SUFU: variants seen among roughly 807,000 people sequenced by gnomAD.
The protein encoded by SUFU is SUFU negative regulator of hedgehog signaling.
A neutral mutation model predicts 58.9 loss-of-function variants in SUFU; 7 were observed. The ratio of observed to expected loss-of-function variants is 0.12; its 90% CI spans 0.07 to 0.22. The LOEUF is 0.22. Ranked by LOEUF, SUFU falls within the 10% of genes least tolerant of loss-of-function variation. SUFU has a pLI of 1.00. For synonymous variants in SUFU, 232 were observed against 254.8 expected, an observed-to-expected ratio of 0.91 and a Z score of 0.85; for missense variants, 451 against 641.3, an observed-to-expected ratio of 0.70 and a Z score of 3.20.
chr10:102,626,567 C>G (rs2063787792), intron 10 of SUFU, among the ~76,000 whole-genome samples: 1 of 152,084 alleles, frequency 6.6e-6, no homozygotes, highest in Non-Finnish European at 1.5e-5. Flanking sequence ...AGCTTCCAGC[C>G]TGGGAGGATG....
At chr10:102,558,756 C>T (rs1007483961) in intron 3 of SUFU, among the ~76,000 whole-genome samples, 2 of 152,216 alleles carry the variant, frequency 1.3e-5, no homozygotes, top group Non-Finnish European at 2.9e-5. Context: ...GTTGCTGCCA[C>T]GGGACTGGAG....
At chr10:102,577,310 T>C (rs1272645639) in intron 3 of SUFU, among the ~76,000 whole-genome samples, 1 of 151,976 alleles carries the variant, frequency 6.6e-6, no homozygotes, top group African/African-American at 2.4e-5. Flanking sequence ...TCTTGGATTT[T>C]AAAGCTTCAA....
chr10:102,610,796 C>G (rs1279637671), intron 8 of SUFU, among the ~76,000 whole-genome samples: 4 of 152,234 alleles, frequency 2.6e-5, no homozygotes, highest in African/African-American at 9.6e-5. Flanking sequence ...TGCCGGAACA[C>G]TAGCCAGATA....
chr10:102,598,352 G>T (rs887794743), intron 7 of SUFU, among the ~76,000 whole-genome samples: 1 of 151,992 alleles, frequency 6.6e-6, no homozygotes, highest in Admixed American at 6.6e-5. Flanking sequence ...TCAGGGCTTC[G>T]CTGTGTTGCC....
rs572026954 is a variant in SUFU at position 102,619,082 on chromosome 10, G to T, written c.1296+1654G>T. On this transcript the variant is annotated intron_variant, in intron 10 of 11. Coordinates refer to ENST00000369902, the MANE Select transcript of SUFU (RefSeq NM_016169.4). The surrounding 1 kb of genome is among the most constrained non-coding windows in gnomAD (Gnocchi z 4.2). ...CATCCTCAGCTCTGAACCTATCCTC[G>T]GAGCTCTGCCCTCCCGTCCTGGAAC... is the stretch of plus-strand genomic sequence containing the variant. The T allele has an allele frequency of 1.2e-6, 2 of 1,612,648 alleles. No homozygotes were observed. The highest frequency in any genetic ancestry group is 1.7e-6 in the Non-Finnish European group (2 of 1,179,844).
chr10:102,560,893 A>C (rs1451203267), intron 3 of SUFU, among the ~76,000 whole-genome samples: 2 of 151,948 alleles, frequency 1.3e-5, no homozygotes, highest in African/African-American at 4.8e-5. Context: ...GCTGGAGTGC[A>C]ATGGCGCGAT....
At chr10:102,561,720 G>A (rs2063039332) in intron 3 of SUFU, among the ~76,000 whole-genome samples, 1 of 146,630 alleles carries the variant, frequency 6.8e-6, no homozygotes, top group South Asian at 2.2e-4. Context: ...TCAGACCGGA[G>A]TCCAGTGGTA....
chr10:102,562,709 G>T (rs1036459340), intron 3 of SUFU, among the ~76,000 whole-genome samples: 1 of 152,110 alleles, frequency 6.6e-6, no homozygotes, highest in African/African-American at 2.4e-5. Flanking sequence ...TGGACAACAT[G>T]GTGAAACCTC....
intron 3 of SUFU, among the ~76,000 whole-genome samples, chr10:102,553,319 G>A (rs2062939780): frequency 6.6e-6 from 1 of 152,180 alleles, no homozygotes; most frequent in Non-Finnish European, 1.5e-5. Flanking sequence ...TGATGGGAAT[G>A]ACTAACATTT....
chr10:102,568,336 G>T (rs908002880), intron 3 of SUFU, among the ~76,000 whole-genome samples: 37 of 151,966 alleles, frequency 2.4e-4, no homozygotes, highest in African/African-American at 8.2e-4. Flanking sequence ...AGATTTTCAT[G>T]TTTTACTTTA....
chr10:102,611,614 T>TA (rs2063623877), intron 8 of SUFU, among the ~76,000 whole-genome samples: 1 of 152,248 alleles, frequency 6.6e-6, no homozygotes, highest in African/African-American at 2.4e-5. Context: ...GAGGAGCAGA[T>TA]AGACTTTTAG....
At chr10:102,545,886 A>G (rs1324115749) in intron 2 of SUFU, among the ~76,000 whole-genome samples, 1 of 152,178 alleles carries the variant, frequency 6.6e-6, no homozygotes, top group Non-Finnish European at 1.5e-5. Flanking sequence ...AGGCAGGAGA[A>G]TCACTTGAGC....
intron 6 of SUFU, 127 bp downstream of exon 6, chr10:102,594,192 G>A (rs2063436701): frequency 4.2e-6 from 4 of 949,848 alleles, no homozygotes; most frequent in African/African-American, 1.6e-5. Flanking sequence ...GGCATCACTT[G>A]GAACTTGTCC....
At chr10:102,502,847 G>A, upstream of SUFU, 1 of 599,560 alleles carries the variant, frequency 1.7e-6, no homozygotes, top group South Asian at 2.0e-5. Context: ...CCTAGTTTAA[G>A]ATTGGGAGTC....
intron 2 of SUFU, among the ~76,000 whole-genome samples, chr10:102,535,769 C>T (rs1242963791): frequency 1.3e-5 from 2 of 152,128 alleles, no homozygotes; most frequent in Non-Finnish European, 2.9e-5. Flanking sequence ...CAGGCCACCC[C>T]CAGAGGAAGG....
At position 102,633,118 on chromosome 10, in the gene SUFU, GGCT is replaced by G; in HGVS notation, c.*2965_*2967del. ...AACCTGAAGGTCGGTGCCCCTATGG[GGCT>G]GACCAGTAGAGAATTTCCTTTACTG... On this transcript the variant is annotated 3_prime_UTR_variant, in exon 12 of 12. Transcript: ENST00000369902. 1 of 233,434 alleles carries G rather than the reference GGCT, an allele frequency of 4.3e-6. No homozygotes were observed. The highest frequency in any genetic ancestry group is 8.5e-6 in the Non-Finnish European group (1 of 118,046). The allele number at this position is 233,434 out of a possible 1,614,324, so 14.5% of individuals were successfully genotyped here.
At chr10:102,515,920 C>T (rs776682360) in intron 2 of SUFU, among the ~76,000 whole-genome samples, 25 of 152,094 alleles carry the variant, frequency 1.6e-4, no homozygotes, top group Non-Finnish European at 3.5e-4. Flanking sequence ...GAGTTCCCTG[C>T]TAAGAACAGG....
Position 102,631,714 on chromosome 10 carries a change from G to A in SUFU, c.*1559G>A, listed in dbSNP as rs549578426. On this transcript the variant is annotated 3_prime_UTR_variant, in exon 12 of 12. Coordinates refer to ENST00000369902, the MANE Select transcript of SUFU (RefSeq NM_016169.4). ...AAGAGCTGCCCCCAGGGGTATGAGG[G>A]CACCAGCTGGGTTCTCCAGGGAGCA... 4 of 233,468 alleles carry A rather than the reference G, an allele frequency of 1.7e-5. No homozygotes were observed. Among genetic ancestry groups the A allele is most frequent in the African/African-American group, 6.6e-5 (3 of 45,460 alleles). 14.5% of individuals were successfully genotyped at this position (233,468 alleles called of 1,614,324 possible). A position where few individuals can be genotyped will look rare whatever the true frequency, so the allele number is the denominator to read the frequency against.
At chr10:102,512,991 C>T (rs1464544597) in intron 2 of SUFU, among the ~76,000 whole-genome samples, 5 of 151,904 alleles carry the variant, frequency 3.3e-5, no homozygotes. Flanking sequence ...TCACTGGAGC[C>T]TGGGAGTTTG....
Sources: gnomAD v4.1 joint callset for allele counts (sites outside exome capture counted in the v4.1 genomes callset) on GRCh38, gnomAD v4.1.1 for gene constraint, Gnocchi (gnomAD v3.1) non-coding constraint, MANE v1.5 for transcripts, NCBI Gene and HGNC (gene_info 2026-07-23, HGNC 2026-07-21) for gene names.